Variants in FGF13 observed in about 807,000 individuals in gnomAD.
FGF13 encodes fibroblast growth factor homologous factor 2.
FGF13 carries 2 observed loss-of-function variants against 19.5 expected under a neutral mutation model. The observed-to-expected ratio is 0.10, with a 90% CI of 0.04 to 0.32. FGF13 has a LOEUF of 0.32. FGF13 is among the 10% of genes least tolerant of loss of function. The probability of loss-of-function intolerance (pLI) is 1.00; values close to 1 mark genes in which losing one functional copy is unlikely to be tolerated. For missense variants in FGF13, 113 were observed against 192.7 expected (o/e 0.59, Z 2.45); for synonymous variants, 72 against 76.9 (o/e 0.94, Z 0.33).
At chrX:138,932,400 G>A (rs2091706780) in intron 1 of FGF13, among the ~76,000 whole-genome samples, 1 of 110,752 alleles carries the variant, frequency 9.0e-6, no homozygotes, top group African/African-American at 3.3e-5. Flanking sequence ...CCAACATGGT[G>A]AAAACCCGTG....
rs145624706 is a variant in FGF13, at chrX:138,900,030, A to T, written c.-112-35380T>A. On this transcript the variant is annotated intron_variant, in intron 1 of 2. Transcript: ENST00000421460. The stretch of plus-strand genomic sequence containing the variant: ...GGAGCTCGGTTTTGGAGATAAAAAA[A>T]ATGGGAGAAGAGAAAAGGAAGGAGA... Among the ~76,000 whole-genome samples the T allele has an allele frequency of 9.3e-3, 1,041 of 111,597 alleles. 7 individuals carry two copies. The highest frequency in any genetic ancestry group is 0.032 in the African/African-American group (979 of 30,628).
chrX:138,966,374 C>G (rs1173670079), intron 1 of FGF13, among the ~76,000 whole-genome samples: 1 of 112,068 alleles, frequency 8.9e-6, no homozygotes, highest in Non-Finnish European at 1.9e-5. Context: ...CAGAGCTGCC[C>G]AAGGATGTAG....
intron 3 of FGF13, among the ~76,000 whole-genome samples, chrX:138,825,956 C>T (rs934845349): frequency 1.8e-5 from 2 of 110,998 alleles, no homozygotes; most frequent in East Asian, 2.9e-4. Flanking sequence ...ACTCCTTAGG[C>T]AATAAAGAAA....
At chrX:139,109,503 C>T (rs1221601514) in intron 1 of FGF13, among the ~76,000 whole-genome samples, 1 of 111,698 alleles carries the variant, frequency 9.0e-6, no homozygotes, top group Non-Finnish European at 1.9e-5. Context: ...ATGTCATTCT[C>T]TTTGAGAAAA....
At chrX:138,733,650 A>G (rs1255327424) in intron 1 of FGF13, among the ~76,000 whole-genome samples, 3 of 111,517 alleles carry the variant, frequency 2.7e-5, no homozygotes, top group Non-Finnish European at 5.7e-5. Context: ...GAGGAAAACA[A>G]TAATCTACAT....
chrX:138,820,542 C>T (rs2090992575), intron 3 of FGF13, among the ~76,000 whole-genome samples: 1 of 111,791 alleles, frequency 8.9e-6, no homozygotes, highest in African/African-American at 3.2e-5. Flanking sequence ...AATGAATGAG[C>T]ATAGGTGTGC....
chrX:138,893,342 A>G (rs1440520399), intron 1 of FGF13, among the ~76,000 whole-genome samples: 1 of 111,198 alleles, frequency 9.0e-6, no homozygotes, highest in Non-Finnish European at 1.9e-5. Context: ...TAATTTTTCC[A>G]CCTTATGTTG....
rs867206397 is a variant in FGF13 at position 138,984,554 on chromosome X, G to C, written c.-112-119904C>G. 2.0e-4 allele frequency among the ~76,000 whole-genome samples: 8 copies of C among 39,652 alleles called. 1 individual carries two copies. Among genetic ancestry groups the C allele is most frequent in the African/African-American group, 6.3e-4 (7 of 11,128 alleles). The allele number at this position is 39,652 out of a possible 115,157, so 34.4% of individuals were successfully genotyped here. On this transcript the variant is annotated intron_variant, in intron 1 of 2. Coordinates refer to the FGF13 transcript ENST00000421460. ...AGAAGAAGAAGAAGAAGAAGAAGAA[G>C]AAGAAGAAGAAGAAGAAGAAGAAGA...
intron 1 of FGF13, among the ~76,000 whole-genome samples, chrX:139,111,841 C>T (rs1338537558): frequency 8.9e-6 from 1 of 112,029 alleles, no homozygotes; most frequent in African/African-American, 3.2e-5. Flanking sequence ...ATTCCTTATA[C>T]ATGAAGCATT....
intron 3 of FGF13, among the ~76,000 whole-genome samples, chrX:138,702,542 A>G (rs754163943): frequency 8.9e-6 from 1 of 112,421 alleles, no homozygotes; most frequent in East Asian, 2.8e-4. Flanking sequence ...AACTGAAGAT[A>G]AGAAATAGAA....
At chrX:138,645,517 G>A (rs2089297328) in intron 3 of FGF13, among the ~76,000 whole-genome samples, 1 of 112,181 alleles carries the variant, frequency 8.9e-6, no homozygotes, top group Non-Finnish European at 1.9e-5. Flanking sequence ...TCTGCAAGAT[G>A]GGGACAGCAT....
chrX:138,835,746 T>G (rs893522817), intron 3 of FGF13, among the ~76,000 whole-genome samples: 25 of 112,013 alleles, frequency 2.2e-4, no homozygotes, highest in Non-Finnish European at 9.4e-5. Flanking sequence ...CACTGGGCTG[T>G]GTACAGACTG....
chrX:138,798,555 G>A (rs1320886129), intron 3 of FGF13, among the ~76,000 whole-genome samples: 1 of 111,444 alleles, frequency 9.0e-6, no homozygotes, highest in Admixed American at 9.5e-5. Flanking sequence ...GCCAGGTTTT[G>A]GTATCAGGAG....
intron 1 of FGF13, among the ~76,000 whole-genome samples, chrX:138,907,636 G>C (rs1603021392): frequency 8.9e-6 from 1 of 111,880 alleles, no homozygotes; most frequent in African/African-American, 3.3e-5. Flanking sequence ...CATGCTCCTT[G>C]AGGGCAGGGA....
intron 3 of FGF13, among the ~76,000 whole-genome samples, chrX:138,831,927 G>GTATTTAGTAT (rs1364610920): frequency 2.7e-5 from 3 of 111,648 alleles, no homozygotes; most frequent in African/African-American, 9.8e-5. Flanking sequence ...AGAACATGCA[G>GTATTTAGTAT]TATTTAGTAT....
chrX:138,783,518 A>G (rs1468294214), intron 3 of FGF13, among the ~76,000 whole-genome samples: 5 of 96,509 alleles, frequency 5.2e-5, no homozygotes, highest in African/African-American at 1.5e-4. Context: ...ATGAACAGAC[A>G]CTTCTCAAAA....
At chrX:139,146,706 C>G (rs1322046148) in intron 1 of FGF13, among the ~76,000 whole-genome samples, 1 of 111,792 alleles carries the variant, frequency 8.9e-6, no homozygotes, top group Non-Finnish European at 1.9e-5. Context: ...ATAGCAAAGA[C>G]TTGGAACCAA....
chrX:139,000,232 T>C lies in FGF13; in HGVS notation c.-112-135582A>G, dbSNP rs972980800. Among the ~76,000 whole-genome samples, 8 of 111,752 alleles carry C rather than the reference T, an allele frequency of 7.2e-5. No individual in the cohort carries two copies. The East Asian group carries it at 2.2e-3, about 31-fold the overall frequency. Reference sequence around the variant, plus strand: ...TGACAAACCCACAGCCAATATCATATGGAATGGGTAAAAACTGGAAGCATT... The same window carrying C: ...TGACAAACCCACAGCCAATATCATACGGAATGGGTAAAAACTGGAAGCATT... On this transcript the variant is annotated intron_variant, in intron 1 of 2. Coordinates refer to the FGF13 transcript ENST00000421460.
intron 3 of FGF13, among the ~76,000 whole-genome samples, chrX:138,789,846 C>T (rs940678224): frequency 4.7e-5 from 5 of 106,715 alleles, no homozygotes; most frequent in South Asian, 4.4e-4. Context: ...GAGATCGAGA[C>T]CATCCTGGCT....
Sources: allele counts gnomAD v4.1 joint callset (sites outside exome capture counted in the v4.1 genomes callset), GRCh38; gene constraint gnomAD v4.1.1; transcripts MANE v1.5; gene names NCBI Gene and HGNC (gene_info 2026-07-23, HGNC 2026-07-21).